The following TMEM232 variants were observed in gnomAD, a reference collection of about 807,000 sequenced individuals.
TMEM232 encodes transmembrane protein 232.
Under a neutral mutation model 78.8 loss-of-function variants are expected in TMEM232, and 80 were observed. The observed-to-expected ratio is 1.01, with a 90% CI of 0.85 to 1.22. TMEM232 has a LOEUF of 1.22. TMEM232 is among the 50% of genes most tolerant of loss of function. The probability of loss-of-function intolerance (pLI) is 0.00; values close to 1 mark genes in which losing one functional copy is unlikely to be tolerated. For synonymous variants in TMEM232, 297 were observed against 254.3 expected (o/e 1.17, Z -1.60); for missense variants, 881 against 742.2 (o/e 1.19, Z -2.17).
chr5:110,414,106 C>T lies in TMEM232; in HGVS notation n.308+10717G>A, dbSNP rs550626136. Reference sequence around the variant, plus strand: ...CTGATAGTTTGGGGAATGCTCTTTCCTCTGAAAGTCAGATGACTCACTCTT... The same window carrying T: ...CTGATAGTTTGGGGAATGCTCTTTCTTCTGAAAGTCAGATGACTCACTCTT... On this transcript the variant is annotated intron_variant and non_coding_transcript_variant, in intron 2 of 8. Transcript: ENST00000507188. 1.2e-4 allele frequency among the ~76,000 whole-genome samples: 19 copies of T among 152,320 alleles called. No individual in the cohort carries two copies. In the South Asian group the frequency reaches 3.5e-3, roughly 28 times the overall value.
intron 1 of TMEM232, among the ~76,000 whole-genome samples, chr5:110,677,860 C>T (rs1300071674): frequency 6.6e-6 from 1 of 152,086 alleles, no homozygotes; most frequent in Admixed American, 6.5e-5. Context: ...CATTTTTCTA[C>T]TATGAATATT....
intron 11 of TMEM232, among the ~76,000 whole-genome samples, chr5:110,547,880 C>T (rs1773970003): frequency 6.6e-6 from 1 of 151,492 alleles, no homozygotes; most frequent in Non-Finnish European, 1.5e-5. Flanking sequence ...TGCCTGTAGT[C>T]CCGGCTACTC....
chr5:110,653,751 G>C (rs1231803287), intron 2 of TMEM232, among the ~76,000 whole-genome samples: 2 of 152,164 alleles, frequency 1.3e-5, no homozygotes, highest in Non-Finnish European at 2.9e-5. Flanking sequence ...AATTGGACGG[G>C]AGGAATCTGA....
intron 1 of TMEM232, among the ~76,000 whole-genome samples, chr5:110,683,455 T>C (rs956464542): frequency 6.6e-6 from 1 of 151,896 alleles, no homozygotes; most frequent in Non-Finnish European, 1.5e-5. Context: ...TTCTCTTAGA[T>C]GTTTAAACAA....
At chr5:110,573,730 G>T (rs1389946455) in intron 10 of TMEM232, among the ~76,000 whole-genome samples, 1 of 152,082 alleles carries the variant, frequency 6.6e-6, no homozygotes, top group African/African-American at 2.4e-5. Flanking sequence ...ATGAGGAGGT[G>T]ATATTCAAGC....
intron 11 of TMEM232, among the ~76,000 whole-genome samples, chr5:110,551,699 A>G (rs1774484868): frequency 6.6e-6 from 1 of 152,216 alleles, no homozygotes; most frequent in Non-Finnish European, 1.5e-5. Context: ...ACTACATCGG[A>G]TTTATCTTAT....
At chr5:110,570,406 C>T (rs894667533) in intron 10 of TMEM232, among the ~76,000 whole-genome samples, 1 of 151,874 alleles carries the variant, frequency 6.6e-6, no homozygotes, top group Admixed American at 6.6e-5. Flanking sequence ...TAATCTGTAT[C>T]TTCAAGTAAT....
downstream of TMEM232, among the ~76,000 whole-genome samples, chr5:110,416,668 T>C (rs144057316): frequency 6.6e-6 from 1 of 152,282 alleles, no homozygotes; most frequent in East Asian, 1.9e-4. Context: ...AATAATTAAC[T>C]AGTAGACAGT....
At chr5:110,503,955 T>C (rs187159584) in intron 12 of TMEM232, among the ~76,000 whole-genome samples, 2 of 152,348 alleles carry the variant, frequency 1.3e-5, no homozygotes, top group East Asian at 3.9e-4. Context: ...TATTTGCATA[T>C]GTCTCTTTTT....
intron 12 of TMEM232, among the ~76,000 whole-genome samples, chr5:110,524,440 GAAAGGAAA>G (rs1561624563): frequency 2.7e-5 from 4 of 148,738 alleles, no homozygotes; most frequent in Non-Finnish European, 5.9e-5. Context: ...GAAAAGAAAA[GAAAGGAAA>G]GAAAGAAAGA....
At chr5:110,496,959 GAAAC>G (rs1355519547) in intron 12 of TMEM232, among the ~76,000 whole-genome samples, 5 of 151,920 alleles carry the variant, frequency 3.3e-5, no homozygotes, top group Admixed American at 1.3e-4. Context: ...GTATTTGGTG[GAAAC>G]AAACAGAAAA....
rs199800858 is a variant in TMEM232, at chr5:110,442,034, CT to C, written c.1704-17119del. ...GTATGTGGCTTCTTCTCTCCTGCTG[CT>C]TTTAGGACACTTTCATTATCCTTGA... On this transcript the variant is annotated intron_variant, in intron 12 of 13. Transcript: ENST00000455884. Among the ~76,000 whole-genome samples, 966 of 152,074 alleles carry C rather than the reference CT, an allele frequency of 6.4e-3. 18 individuals are homozygous for C. Among genetic ancestry groups the C allele is most frequent in the African/African-American group, 0.022 (894 of 41,480 alleles).
At chr5:110,638,384 T>A (rs939808803) in intron 4 of TMEM232, 29 bp from the exon 5 acceptor site, 8 of 1,504,426 alleles carry the variant, frequency 5.3e-6, no homozygotes, top group Non-Finnish European at 7.1e-6. Context: ...AGAAACTGCA[T>A]CATTTGAAAA....
intron 12 of TMEM232, among the ~76,000 whole-genome samples, chr5:110,437,626 T>A (rs956836221): frequency 3.9e-5 from 6 of 152,022 alleles, no homozygotes; most frequent in African/African-American, 1.2e-4. Flanking sequence ...ATATACTTCA[T>A]ATATATTACA....
At chr5:110,587,981 T>C (rs1779068184) in intron 10 of TMEM232, among the ~76,000 whole-genome samples, 1 of 151,744 alleles carries the variant, frequency 6.6e-6, no homozygotes, top group African/African-American at 2.4e-5. Flanking sequence ...TAAAATATTT[T>C]CCATGTATAA....
chr5:110,692,905 A>C (rs1209230260), intron 1 of TMEM232, among the ~76,000 whole-genome samples: 2 of 152,232 alleles, frequency 1.3e-5, no homozygotes, highest in African/African-American at 4.8e-5. Flanking sequence ...AAAAGGCAGC[A>C]GTAACCTCTG....
chr5:110,401,235 A>G (rs1755580233), intron 2 of TMEM232, among the ~76,000 whole-genome samples: 1 of 151,918 alleles, frequency 6.6e-6, no homozygotes, highest in South Asian at 2.1e-4. Flanking sequence ...GGTAATGCAT[A>G]TAGTAAAACA....
chr5:110,468,873 T>C (rs1762374667), intron 12 of TMEM232, among the ~76,000 whole-genome samples: 1 of 152,134 alleles, frequency 6.6e-6, no homozygotes, highest in Non-Finnish European at 1.5e-5. Context: ...AGGAGAGTAC[T>C]GGAATATGTC....
intron 1 of TMEM232, among the ~76,000 whole-genome samples, chr5:110,695,905 C>A (rs1002445981): frequency 7.2e-5 from 11 of 152,154 alleles, no homozygotes; most frequent in Non-Finnish European, 1.5e-4. Flanking sequence ...CCTTCTGAAA[C>A]TATTCCAATC....
Sources: gnomAD v4.1 joint callset for allele counts (sites outside exome capture counted in the v4.1 genomes callset) on GRCh38, gnomAD v4.1.1 for gene constraint, MANE v1.5 for transcripts, NCBI Gene and HGNC (gene_info 2026-07-23, HGNC 2026-07-21) for gene names.